The following RAP1A variants were observed in gnomAD, a reference collection of about 807,000 sequenced individuals.
RAP1A encodes the protein ras-related protein Rap-1A.
RAP1A carries 6 observed loss-of-function variants against 26.4 expected under a neutral mutation model. The ratio of observed to expected loss-of-function variants is 0.23; its 90% CI spans 0.12 to 0.45. The LOEUF is 0.45. Ranked by LOEUF, RAP1A falls within the 20% of genes least tolerant of loss-of-function variation. The pLI, the probability that RAP1A is intolerant of heterozygous loss-of-function variation, is 0.99. For missense variants in RAP1A, 121 were observed against 217.2 expected, an observed-to-expected ratio of 0.56 and a Z score of 2.78; for synonymous variants, 73 against 79.4, an observed-to-expected ratio of 0.92 and a Z score of 0.43.
chr1:111,629,486 A>G (rs1659504817), intron 1 of RAP1A, among the ~76,000 whole-genome samples: 1 of 152,184 alleles, frequency 6.6e-6, no homozygotes, highest in Non-Finnish European at 1.5e-5. Context: ...AAAAGAAGCA[A>G]CCACCAATTT....
At chr1:111,578,880 T>C (rs1658195656) in intron 1 of RAP1A, among the ~76,000 whole-genome samples, 1 of 152,218 alleles carries the variant, frequency 6.6e-6, no homozygotes, top group Admixed American at 6.5e-5. Context: ...CCCTCAACTT[T>C]CTGCTGGGAT....
chr1:111,653,860 T>G (rs1172666370), intron 1 of RAP1A, among the ~76,000 whole-genome samples: 1 of 151,992 alleles, frequency 6.6e-6, no homozygotes, highest in Non-Finnish European at 1.5e-5. Flanking sequence ...GGGCTTGAAA[T>G]GCACCTCAAA....
chr1:111,656,050 C>T (rs1012654548), intron 1 of RAP1A, among the ~76,000 whole-genome samples: 1 of 151,976 alleles, frequency 6.6e-6, no homozygotes, highest in African/African-American at 2.4e-5. Context: ...AAAATGACAA[C>T]TGGATAAAAG....
intron 1 of RAP1A, among the ~76,000 whole-genome samples, chr1:111,661,882 C>T (rs543170375): frequency 2.0e-5 from 3 of 151,324 alleles, no homozygotes; most frequent in South Asian, 2.1e-4. Flanking sequence ...ACTTTCCCAA[C>T]GTAATTCTTC....
chr1:111,558,760 A>G (rs1012783982), intron 1 of RAP1A, among the ~76,000 whole-genome samples: 31 of 152,318 alleles, frequency 2.0e-4, no homozygotes, highest in African/African-American at 7.2e-4. Context: ...TAAAGTAAAA[A>G]ATGACAAACT....
chr1:111,685,188 C>T (rs948152921), intron 1 of RAP1A, among the ~76,000 whole-genome samples: 7 of 152,132 alleles, frequency 4.6e-5, no homozygotes, highest in East Asian at 3.8e-4. Context: ...ATAACCTAGG[C>T]GATACCATTC....
chr1:111,612,190 G>C (rs1000022401), intron 1 of RAP1A, among the ~76,000 whole-genome samples: 2 of 152,146 alleles, frequency 1.3e-5, no homozygotes, highest in Admixed American at 1.3e-4. Context: ...TTCACTTACT[G>C]TTGGCACATT....
At chr1:111,644,033 C>T (rs1659974785) in intron 1 of RAP1A, among the ~76,000 whole-genome samples, 1 of 152,158 alleles carries the variant, frequency 6.6e-6, no homozygotes, top group Non-Finnish European at 1.5e-5. Flanking sequence ...GAGGCCTACT[C>T]ACATTATTGA....
At chr1:111,705,626 G>T (rs918146133) in intron 6 of RAP1A, among the ~76,000 whole-genome samples, 5 of 152,086 alleles carry the variant, frequency 3.3e-5, no homozygotes, top group Non-Finnish European at 7.4e-5. Flanking sequence ...AATATTTATT[G>T]ACTATTGTGT....
intron 1 of RAP1A, among the ~76,000 whole-genome samples, chr1:111,627,740 C>CA (rs56374045): frequency 4.9e-5 from 7 of 143,058 alleles, no homozygotes; most frequent in Admixed American, 1.4e-4. Context: ...AATCTGTGAC[C>CA]AAAAAAAAAA....
chr1:111,617,403 T>C (rs1227323038), upstream of RAP1A, among the ~76,000 whole-genome samples: 1 of 152,238 alleles, frequency 6.6e-6, no homozygotes, highest in Admixed American at 6.5e-5. Flanking sequence ...GAGGACACTC[T>C]TTCTCCAGTT....
Position 111,715,726 on chromosome 1 carries a change from GA to G in RAP1A, c.*3329del, listed in dbSNP as rs1422826863. The G allele has an allele frequency of 1.3e-5, 2 of 152,150 alleles. No individual in the cohort carries two copies. Among genetic ancestry groups the G allele is most frequent in the Non-Finnish European group, 2.9e-5 (2 of 68,028 alleles). The allele number at this position is 152,150 out of a possible 1,614,324, so 9.4% of individuals were successfully genotyped here. Reference sequence around the variant, plus strand: ...CTTCTTTGAGGTTATAATGTACTTGGAAAAGTTAATACTTATAGAAAATAAT... The same window carrying G: ...CTTCTTTGAGGTTATAATGTACTTGGAAAGTTAATACTTATAGAAAATAAT... On this transcript the variant is annotated 3_prime_UTR_variant, in exon 8 of 8. Coordinates refer to ENST00000369709, the MANE Select transcript of RAP1A (RefSeq NM_002884.4).
chr1:111,616,653 T>C (rs1312317831), upstream of RAP1A, among the ~76,000 whole-genome samples: 3 of 152,086 alleles, frequency 2.0e-5, no homozygotes, highest in Admixed American at 6.5e-5. Flanking sequence ...CTATAATCAC[T>C]CCCTTACATA....
intron 1 of RAP1A, among the ~76,000 whole-genome samples, chr1:111,672,172 CTGAG>C (rs1557886365): frequency 6.6e-6 from 1 of 152,160 alleles, no homozygotes; most frequent in Non-Finnish European, 1.5e-5. Context: ...CTGTCATTTA[CTGAG>C]TAAGTTCTGT....
chr1:111,595,437 C>T (rs1405295203), intron 1 of RAP1A, among the ~76,000 whole-genome samples: 2 of 152,136 alleles, frequency 1.3e-5, no homozygotes, highest in Admixed American at 6.5e-5. Context: ...ACCCACAAGC[C>T]TCATTTCCAG....
chr1:111,668,934 G>T (rs1397683233), intron 1 of RAP1A, among the ~76,000 whole-genome samples: 1 of 150,690 alleles, frequency 6.6e-6, no homozygotes, highest in Non-Finnish European at 1.5e-5. Flanking sequence ...GGAGGTTGAG[G>T]TATGAGGATC....
At chr1:111,596,448 A>G (rs1284116084) in intron 1 of RAP1A, among the ~76,000 whole-genome samples, 4 of 152,244 alleles carry the variant, frequency 2.6e-5, no homozygotes, top group Non-Finnish European at 5.9e-5. Context: ...TGGTTAAATT[A>G]TAACGTAAGA....
chr1:111,680,180 C>T (rs1196273507), intron 1 of RAP1A, among the ~76,000 whole-genome samples: 1 of 152,162 alleles, frequency 6.6e-6, no homozygotes, highest in East Asian at 1.9e-4. Context: ...CACGGACCTT[C>T]ATGGCAAGTG....
At chr1:111,549,334 T>C (rs2101033418) in intron 1 of RAP1A, among the ~76,000 whole-genome samples, 1 of 151,720 alleles carries the variant, frequency 6.6e-6, no homozygotes, top group African/African-American at 2.4e-5. Context: ...TTCTTGTCTT[T>C]TTCCTTTTTT....
Sources: allele counts gnomAD v4.1 joint callset (sites outside exome capture counted in the v4.1 genomes callset), GRCh38; gene constraint gnomAD v4.1.1; transcripts MANE v1.5; gene names NCBI Gene and HGNC (gene_info 2026-07-23, HGNC 2026-07-21).